Variants in USP49 observed in about 807,000 individuals in gnomAD.
USP49 encodes ubiquitin specific peptidase 49.
Under a neutral mutation model 58.6 loss-of-function variants are expected in USP49, and 24 were observed. That is an observed-to-expected ratio of 0.41 (90% CI 0.30 to 0.58). The LOEUF (loss-of-function observed/expected upper bound fraction) is 0.58. Ranked by LOEUF, USP49 falls within the 20% of genes least tolerant of loss-of-function variation. The probability of loss-of-function intolerance (pLI) is 0.30; values close to 1 mark genes in which losing one functional copy is unlikely to be tolerated. For synonymous variants in USP49, 408 were observed against 365.1 expected (o/e 1.12, Z -1.34); for missense variants, 703 against 866.1 (o/e 0.81, Z 2.36).
At chr6:41,838,231 T>C (rs1400253326) in intron 3 of USP49, among the ~76,000 whole-genome samples, 1 of 152,200 alleles carries the variant, frequency 6.6e-6, no homozygotes, top group African/African-American at 2.4e-5. Flanking sequence ...GACTGGGTAA[T>C]TCCACTGCCT....
At chr6:41,807,037 G>C in intron 3 of USP49, 26 bp from the exon 4 acceptor site, 6 of 1,180,126 alleles carry the variant, frequency 5.1e-6, no homozygotes, top group Non-Finnish European at 1.1e-6. Context: ...CCCCAAAAAA[G>C]AAAAAGAAAA....
chr6:41,838,639 T>C (rs113738048), intron 3 of USP49, among the ~76,000 whole-genome samples: 2,558 of 152,240 alleles, frequency 0.017, 54 homozygotes, highest in African/African-American at 0.051. Context: ...GAGTTCCAGA[T>C]TTTTCCACTG....
intron 2 of USP49, among the ~76,000 whole-genome samples, chr6:41,890,323 G>A (rs935192738): frequency 8.7e-5 from 13 of 149,812 alleles, no homozygotes; most frequent in African/African-American, 2.9e-4. Flanking sequence ...AGGTTGTAGT[G>A]AGCCAAGATC....
At chr6:41,802,464 A>ATTTTTTTTTTTTTTTTTTTTTTTT (rs1272102736) in intron 5 of USP49, among the ~76,000 whole-genome samples, 1 of 73,698 alleles carries the variant, frequency 1.4e-5, no homozygotes, top group African/African-American at 5.5e-5. Context: ...TTATTTATTT[A>ATTTTTTTTTTTTTTTTTTTTTTTT]TTTATTTTTT....
intron 3 of USP49, among the ~76,000 whole-genome samples, chr6:41,862,234 A>G (rs1399178214): frequency 1.3e-5 from 2 of 152,226 alleles, no homozygotes; most frequent in African/African-American, 2.4e-5. Flanking sequence ...AATTTTGGAT[A>G]GAGATCATCA....
chr6:41,811,135 A>T (rs1354129053), intron 3 of USP49, among the ~76,000 whole-genome samples: 1 of 152,158 alleles, frequency 6.6e-6, no homozygotes, highest in Non-Finnish European at 1.5e-5. Context: ...ATGTCTTTAT[A>T]TAAGAAACCC....
rs777867635 is a variant in USP49 at position 41,855,791 on chromosome 6, T to C, written c.-29+15773A>G. Among the ~76,000 whole-genome samples, 54 of 152,294 alleles carry C rather than the reference T, an allele frequency of 3.5e-4. 1 individual carries two copies. Among genetic ancestry groups the C allele is most frequent in the Middle Eastern group, 3.4e-3 (1 of 294 alleles). ...GGCCAGGCACTGTGGCTTGTGCCTG[T>C]AATCCCAGCACTTTGGGAGGCTGAG... On this transcript the variant is annotated intron_variant, in intron 3 of 7. Coordinates refer to ENST00000682992, the MANE Select transcript of USP49 (RefSeq NM_001286554.2).
Position 41,806,560 on chromosome 6 carries a change from C to T in USP49, c.424G>A (p.Ala142Thr), listed in dbSNP as rs1395227246. ...APQGQPQMLT[A>T]LWYRRQRLLA... ...AGGCGCTGACGCCGGTACCACAGAG[C>T]CGTGAGCATCTGCGGCTGTCCCTGA... The change falls in exon 4 of 8, where the codon GCT (alanine) becomes ACT (threonine). Residue 142 changes from alanine to threonine, a missense_variant. By Grantham distance (58) the Ala-to-Thr change is moderately conservative (BLOSUM62 0). This residue lies in a region of USP49 where 376 missense variants were observed against 373.5 expected (regional missense o/e 1.01). Transcript: ENST00000682992. This position sits in a 1 kb window ranked among gnomAD's most constrained non-coding sequence, Gnocchi z 5.9. 1 of 1,602,492 alleles carries T rather than the reference C, an allele frequency of 6.2e-7. No individual in the cohort carries two copies. The highest frequency in any genetic ancestry group is 8.5e-7 in the Non-Finnish European group (1 of 1,178,774).
chr6:41,893,916 G>A (rs1241068120), intron 1 of USP49: 1 of 150,382 alleles, frequency 6.6e-6, no homozygotes, highest in East Asian at 2.0e-4. Flanking sequence ...CCTGTCTCTA[G>A]GTCCCCTTTC....
chr6:41,848,930 C>G (rs1364879626), intron 3 of USP49, among the ~76,000 whole-genome samples: 3 of 151,970 alleles, frequency 2.0e-5, no homozygotes, highest in East Asian at 3.9e-4. Context: ...AACTCCTGGC[C>G]TCAAGTGATC....
chr6:41,828,329 G>A (rs1372421249), intron 3 of USP49, among the ~76,000 whole-genome samples: 1 of 152,040 alleles, frequency 6.6e-6, no homozygotes, highest in Admixed American at 6.6e-5. Context: ...TGTGCCTGTA[G>A]TCCCAGCTAC....
intron 2 of USP49, among the ~76,000 whole-genome samples, chr6:41,881,288 CAAAAA>C (rs57022965): frequency 9.8e-5 from 2 of 20,378 alleles, no homozygotes; most frequent in Non-Finnish European, 1.5e-4. Flanking sequence ...CATTAAATAC[CAAAAA>C]AAAAAAAAAA....
intron 3 of USP49, among the ~76,000 whole-genome samples, chr6:41,836,028 T>C (rs1773721311): frequency 1.3e-5 from 2 of 150,080 alleles, no homozygotes; most frequent in Non-Finnish European, 3.0e-5. Flanking sequence ...TTGTGAGTTA[T>C]GATCATACCA....
At chr6:41,854,000 GAAAAAAAAAAAA>G (rs1314186814) in intron 3 of USP49, among the ~76,000 whole-genome samples, 3 of 113,174 alleles carry the variant, frequency 2.7e-5, no homozygotes, top group Admixed American at 2.2e-4. Context: ...ACTCTGTCTC[GAAAAAAAAAAAA>G]AAAAAAAAAA....
intron 1 of USP49, among the ~76,000 whole-genome samples, chr6:41,892,599 CAGAA>C (rs1434937642): frequency 2.0e-5 from 3 of 152,264 alleles, no homozygotes; most frequent in East Asian, 3.9e-4. Context: ...TAGCTGAATG[CAGAA>C]AGAGTTTTCT....
At chr6:41,848,211 T>C (rs1373365827) in intron 3 of USP49, among the ~76,000 whole-genome samples, 1 of 151,682 alleles carries the variant, frequency 6.6e-6, no homozygotes, top group Non-Finnish European at 1.5e-5. Flanking sequence ...CTATAGAATA[T>C]ATATAATAGG....
intron 3 of USP49, among the ~76,000 whole-genome samples, chr6:41,818,912 T>G (rs1288737025): frequency 6.6e-6 from 1 of 152,116 alleles, no homozygotes; most frequent in East Asian, 1.9e-4. Context: ...GTGCAGCACA[T>G]GTACAATGAG....
intron 2 of USP49, among the ~76,000 whole-genome samples, chr6:41,891,025 T>C (rs1774802879): frequency 6.6e-6 from 1 of 152,232 alleles, no homozygotes; most frequent in African/African-American, 2.4e-5. Context: ...AATCTTTACA[T>C]TATACATAAT....
intron 3 of USP49, among the ~76,000 whole-genome samples, chr6:41,810,133 C>T (rs920320026): frequency 6.6e-6 from 1 of 150,814 alleles, no homozygotes; most frequent in Non-Finnish European, 1.5e-5. Flanking sequence ...GCCTGGGCGA[C>T]AGAGCAAGAC....
Sources: allele counts gnomAD v4.1 joint callset (sites outside exome capture counted in the v4.1 genomes callset), GRCh38; gene constraint gnomAD v4.1.1; regional missense constraint gnomAD v4.1.1; non-coding constraint Gnocchi (gnomAD v3.1); transcripts MANE v1.5; gene names NCBI Gene and HGNC (gene_info 2026-07-23, HGNC 2026-07-21).